Variants in TENM2 observed in about 807,000 individuals in gnomAD.
TENM2 encodes the protein teneurin-2.
Under a neutral mutation model 245.2 loss-of-function variants are expected in TENM2, and 52 were observed. That is an observed-to-expected ratio of 0.21 (90% CI 0.17 to 0.27). The LOEUF is 0.27. Among genes scored for constraint, TENM2 ranks in the 10% least tolerant of loss-of-function variants. TENM2 has a pLI of 1.00. For synonymous variants in TENM2, 1,363 were observed against 1,438.9 expected, an observed-to-expected ratio of 0.95 and a Z score of 1.19; for missense variants, 3,046 against 3,666.8, an observed-to-expected ratio of 0.83 and a Z score of 4.37.
At chr5:167,158,421 T>C in the TENM2 span, among the ~76,000 whole-genome samples, 1 of 152,238 alleles carries the variant, frequency 6.6e-6, no homozygotes, top group Admixed American at 6.5e-5. Flanking sequence ...CCAGGACATA[T>C]CCCTAGATCT....
At chr5:167,051,213 G>A in the TENM2 span, among the ~76,000 whole-genome samples, 1 of 150,222 alleles carries the variant, frequency 6.7e-6, no homozygotes, top group East Asian at 1.9e-4. Flanking sequence ...TATGATAAGG[G>A]GTGAAAGAAA....
chr5:167,381,080 T>A (rs1352580852), intron 2 of TENM2, among the ~76,000 whole-genome samples: 1 of 152,066 alleles, frequency 6.6e-6, no homozygotes, highest in Non-Finnish European at 1.5e-5. Flanking sequence ...AATATCAAAG[T>A]AAACGGGTTA....
the TENM2 span, among the ~76,000 whole-genome samples, chr5:167,068,593 G>A: frequency 1.3e-5 from 2 of 152,134 alleles, no homozygotes; most frequent in African/African-American, 4.8e-5. Flanking sequence ...TACACTTGCA[G>A]TGCATGTCAT....
the TENM2 span, among the ~76,000 whole-genome samples, chr5:167,224,875 T>A: frequency 1.3e-5 from 2 of 152,174 alleles, no homozygotes; most frequent in East Asian, 3.9e-4. Flanking sequence ...CTTCAATTTA[T>A]TTCATCAGTG....
intron 2 of TENM2, among the ~76,000 whole-genome samples, chr5:167,388,362 G>A (rs745869873): frequency 1.5e-4 from 23 of 151,762 alleles, no homozygotes; most frequent in Non-Finnish European, 2.8e-4. Context: ...AATACCTCCC[G>A]TTTCATTTCT....
At chr5:167,504,037 A>G (rs1769381032) in intron 2 of TENM2, among the ~76,000 whole-genome samples, 1 of 152,160 alleles carries the variant, frequency 6.6e-6, no homozygotes, top group Non-Finnish European at 1.5e-5. Context: ...GCTTGGATTC[A>G]TTTTACATTT....
upstream of TENM2, among the ~76,000 whole-genome samples, chr5:167,283,310 TAC>T (rs894116386): frequency 6.6e-6 from 1 of 151,876 alleles, no homozygotes; most frequent in Non-Finnish European, 1.5e-5. Flanking sequence ...CTCCCAAAGT[TAC>T]AGACATGAGC....
chr5:167,789,471 C>T (rs1764802220), intron 2 of TENM2, among the ~76,000 whole-genome samples: 1 of 152,202 alleles, frequency 6.6e-6, no homozygotes, highest in South Asian at 2.1e-4. Flanking sequence ...GGAGTGGATT[C>T]CAACATTTCT....
At chr5:167,800,843 G>T (rs1219234412) in intron 2 of TENM2, among the ~76,000 whole-genome samples, 1 of 151,980 alleles carries the variant, frequency 6.6e-6, no homozygotes, top group Non-Finnish European at 1.5e-5. Context: ...CCCTGGCAGA[G>T]AAACCCCTTC....
the TENM2 span, among the ~76,000 whole-genome samples, chr5:167,029,582 A>G: frequency 1.4e-4 from 22 of 152,152 alleles, no homozygotes; most frequent in South Asian, 4.1e-4. Flanking sequence ...CTTTCTAAGT[A>G]TATTGGCAAG....
intron 4 of TENM2, among the ~76,000 whole-genome samples, chr5:167,960,318 C>T (rs1359193087): frequency 6.6e-6 from 1 of 152,340 alleles, no homozygotes; most frequent in South Asian, 2.1e-4. Flanking sequence ...CCCAGGTGCT[C>T]TGTCCCAGGG....
chr5:167,085,421 A>G, the TENM2 span, among the ~76,000 whole-genome samples: 2 of 152,204 alleles, frequency 1.3e-5, no homozygotes, highest in Non-Finnish European at 2.9e-5. Flanking sequence ...AAAGCTATCT[A>G]ATTATTATTA....
chr5:167,228,393 A>G, the TENM2 span, among the ~76,000 whole-genome samples: 1 of 151,702 alleles, frequency 6.6e-6, no homozygotes, highest in Admixed American at 6.6e-5. Context: ...TTTGTATTTC[A>G]TTGAATAAGT....
intron 12 of TENM2, among the ~76,000 whole-genome samples, chr5:168,140,763 C>A (rs74794243): frequency 1.3e-5 from 2 of 152,120 alleles, no homozygotes; most frequent in African/African-American, 4.8e-5. Context: ...GCTTGGGAAC[C>A]CTGTGTCCCT....
chr5:167,759,399 A>G (rs1037088340), intron 2 of TENM2, among the ~76,000 whole-genome samples: 2 of 152,056 alleles, frequency 1.3e-5, no homozygotes, highest in Non-Finnish European at 2.9e-5. Flanking sequence ...TAGGACTCAC[A>G]TTCTGTACAT....
chr5:167,433,672 A>ATATAGTCT (rs1460248857), intron 2 of TENM2, among the ~76,000 whole-genome samples: 2 of 152,104 alleles, frequency 1.3e-5, no homozygotes, highest in East Asian at 3.9e-4. Context: ...CCTATCAAGT[A>ATATAGTCT]TATAGTCTTT....
chr5:167,344,299 C>CAT (rs1183434373), intron 1 of TENM2, among the ~76,000 whole-genome samples: 3 of 113,844 alleles, frequency 2.6e-5, no homozygotes, highest in African/African-American at 3.7e-5. Context: ...CACACACACA[C>CAT]ACACACACAC....
At chr5:167,865,521 G>A (rs1391491281) in intron 2 of TENM2, among the ~76,000 whole-genome samples, 1 of 152,092 alleles carries the variant, frequency 6.6e-6, no homozygotes, top group Admixed American at 6.6e-5. Flanking sequence ...TGATCCTCCT[G>A]CCTTGGCCTC....
chr5:167,192,150 C>A, the TENM2 span, among the ~76,000 whole-genome samples: 3 of 152,052 alleles, frequency 2.0e-5, no homozygotes, highest in Non-Finnish European at 4.4e-5. Context: ...TTAGTGTGGG[C>A]AGAACCCATA....
Sources: gnomAD v4.1 joint callset for allele counts (sites outside exome capture counted in the v4.1 genomes callset) on GRCh38, gnomAD v4.1.1 for gene constraint, MANE v1.5 for transcripts, NCBI Gene and HGNC (gene_info 2026-07-23, HGNC 2026-07-21) for gene names.